TAF1B: variants seen among roughly 807,000 people sequenced by gnomAD.
TAF1B encodes the protein TATA-box binding protein associated factor, RNA polymerase I subunit B, also known as TATA box-binding protein-associated factor RNA polymerase I subunit B.
In TAF1B, 61 loss-of-function variants were observed where a neutral mutation model predicts 83.9. That is an observed-to-expected ratio of 0.73 (90% CI 0.59 to 0.90). TAF1B has a LOEUF of 0.90. Ranked by LOEUF, TAF1B falls within the 40% of genes least tolerant of loss-of-function variation. The pLI is 0.00. For missense variants in TAF1B, 625 were observed against 677.0 expected (o/e 0.92, Z 0.85); for synonymous variants, 221 against 224.6 (o/e 0.98, Z 0.14).
chr2:9,929,918 G>A (rs1405176067), intron 14 of TAF1B, among the ~76,000 whole-genome samples: 1 of 152,172 alleles, frequency 6.6e-6, no homozygotes, highest in Non-Finnish European at 1.5e-5. Context: ...TCTTGGAAAG[G>A]TGTACATGTC....
intron 8 of TAF1B, among the ~76,000 whole-genome samples, chr2:9,890,884 C>T (rs1179246578): frequency 1.3e-5 from 2 of 152,290 alleles, no homozygotes; most frequent in South Asian, 4.1e-4. Context: ...GATTCTCCTG[C>T]CTCAGCCTCC....
In TAF1B at chr2:9,898,439, A is replaced by G. The variant is rs577564729; in HGVS notation, c.808-6420A>G. On this transcript the variant is annotated intron_variant, in intron 8 of 14. Coordinates refer to ENST00000263663, the MANE Select transcript of TAF1B (RefSeq NM_005680.3). Reference sequence around the variant, plus strand: ...TTGAGGTAGAATTAGCAGATAACCAAAGGGTCAGTATAAAACAAAATGCTG... The same window carrying G: ...TTGAGGTAGAATTAGCAGATAACCAGAGGGTCAGTATAAAACAAAATGCTG... Among the ~76,000 whole-genome samples, 14 of 152,310 alleles carry G rather than the reference A, an allele frequency of 9.2e-5. 2 individuals carry two copies. The South Asian group carries it at 2.9e-3, about 32-fold the overall frequency.
intron 8 of TAF1B, among the ~76,000 whole-genome samples, chr2:9,899,147 A>G (rs1222345277): frequency 6.6e-6 from 1 of 152,136 alleles, no homozygotes; most frequent in Non-Finnish European, 1.5e-5. Context: ...CATACCCATT[A>G]AACACCAACT....
In TAF1B at chr2:9,845,237, C is replaced by T. The variant is rs766127604; in HGVS notation, c.36C>T (p.Arg12=). 4 of 1,613,800 alleles carry T rather than the reference C, an allele frequency of 2.5e-6. No homozygotes were observed. In the Admixed American group the frequency reaches 5.0e-5, roughly 20 times the overall value. Residue 12 remains arginine (R), a synonymous_variant, in exon 2 of 15, where the codon CGC becomes CGT. Transcript: ENST00000263663. ...DLEEAEEFKE[R]CTQCAAVSWG... Reference sequence around the variant, plus strand: ...TCCCATAGGAAGAGTTTAAAGAACGCTGTACTCAGTGTGCTGCTGTCTCAT... The same window carrying T: ...TCCCATAGGAAGAGTTTAAAGAACGTTGTACTCAGTGTGCTGCTGTCTCAT...
rs1666088855 is a variant in TAF1B at position 9,927,817 on chromosome 2, T to G, written c.1566-5966T>G. 6.6e-5 allele frequency among the ~76,000 whole-genome samples: 10 copies of G among 152,248 alleles called. 1 individual carries two copies. The South Asian group carries it at 2.1e-3, about 31-fold the overall frequency. ...AAAAATTTTCTCCCATTCTGTAAGT[T>G]GTTCACTCTGATGGTAGTTTCTTTT... On this transcript the variant is annotated intron_variant, in intron 14 of 14. Coordinates refer to ENST00000263663, the MANE Select transcript of TAF1B (RefSeq NM_005680.3).
intron 8 of TAF1B, among the ~76,000 whole-genome samples, chr2:9,890,108 T>C (rs946202840): frequency 6.6e-6 from 1 of 152,190 alleles, no homozygotes; most frequent in African/African-American, 2.4e-5. Context: ...CTCCAGTCCC[T>C]GTCTCCTCTG....
intron 8 of TAF1B, among the ~76,000 whole-genome samples, chr2:9,896,564 T>C (rs1013437485): frequency 2.8e-4 from 42 of 149,354 alleles, no homozygotes; most frequent in African/African-American, 1.0e-3. Context: ...TTTCCTTCTG[T>C]GTTTGGTTTT....
Position 9,851,559 on chromosome 2 carries a change from ATG to A in TAF1B, c.231_232del (p.Cys77Ter), listed in dbSNP as rs778382213. ...CATTTAGAAAAAGGCTGGGATTGGT[ATG>A]TGTGTGAAGGTTTCCAGTATATTCT... On this transcript the variant is annotated frameshift_variant, in exon 4 of 15. Transcript: ENST00000263663. LOFTEE classifies it high-confidence loss of function. 2.5e-6 allele frequency: 4 copies of A among 1,608,496 alleles called. No individual in the cohort carries two copies. The South Asian group carries it at 3.4e-5, about 14-fold the overall frequency.
chr2:9,903,154 C>T (rs1402907775), intron 8 of TAF1B, among the ~76,000 whole-genome samples: 1 of 152,142 alleles, frequency 6.6e-6, no homozygotes, highest in African/African-American at 2.4e-5. Flanking sequence ...GGCGCAGTCT[C>T]GGCTCACTGT....
chr2:9,850,025 ATATGTG>A (rs141832486), intron 3 of TAF1B, among the ~76,000 whole-genome samples: 80 of 118,998 alleles, frequency 6.7e-4, no homozygotes, highest in Non-Finnish European at 1.2e-3. Context: ...ATATATATAT[ATATGTG>A]TGTGTGTGTG....
At position 9,933,765 on chromosome 2, in the gene TAF1B, T is replaced by C. The variant is rs1666290371; in HGVS notation, c.1566-18T>C. 1 of 1,591,548 alleles carries C rather than the reference T, an allele frequency of 6.3e-7. No homozygotes were observed. Among genetic ancestry groups the C allele is most frequent in the Non-Finnish European group, 8.6e-7 (1 of 1,168,944 alleles). On this transcript the variant is annotated intron_variant, in intron 14 of 14. Coordinates refer to ENST00000263663, the MANE Select transcript of TAF1B (RefSeq NM_005680.3). The stretch of plus-strand genomic sequence containing the variant: ...GTTACCATCTAAAGATAAATTCTTT[T>C]TTCTTTTTCCCTTCTAGCTATTGTA...
intron 9 of TAF1B, 86 bp downstream of exon 9, chr2:9,905,092 A>G (rs1324630630): frequency 2.4e-6 from 3 of 1,227,876 alleles, no homozygotes; most frequent in Admixed American, 4.6e-5. Context: ...ATCACAGACT[A>G]TTAGAACCAC....
At chr2:9,871,953 C>A (rs553603093) in intron 6 of TAF1B, among the ~76,000 whole-genome samples, 1 of 152,124 alleles carries the variant, frequency 6.6e-6, no homozygotes, top group Non-Finnish European at 1.5e-5. Flanking sequence ...TCTAGAGACC[C>A]TTCTCTCTGG....
chr2:9,853,468 C>CTT (rs1244360121), intron 4 of TAF1B, among the ~76,000 whole-genome samples: 1 of 146,666 alleles, frequency 6.8e-6, no homozygotes. Context: ...TTTCTGTTTG[C>CTT]TTTTTTTTTT....
rs140186926 is a variant in TAF1B, at chr2:9,856,673, T to C, written c.399+2252T>C. ...ATCAGAACCTGGGATTCTCTGACAT[T>C]TAAATATTTTTGGGTTAACTTAAGT... is the stretch of plus-strand genomic sequence containing the variant. On this transcript the variant is annotated intron_variant, in intron 5 of 14. Coordinates refer to ENST00000263663, the MANE Select transcript of TAF1B (RefSeq NM_005680.3). Among the ~76,000 whole-genome samples the C allele has an allele frequency of 1.5e-4, 23 of 152,318 alleles. No individual in the cohort carries two copies. The East Asian group carries it at 3.9e-3, about 26-fold the overall frequency.
intron 7 of TAF1B, among the ~76,000 whole-genome samples, chr2:9,877,301 C>T (rs571099314): frequency 5.9e-5 from 9 of 152,306 alleles, no homozygotes; most frequent in Non-Finnish European, 1.2e-4. Context: ...ATCTCAGAAT[C>T]AGCATGACTA....
intron 7 of TAF1B, among the ~76,000 whole-genome samples, chr2:9,878,967 G>T (rs984534494): frequency 3.9e-5 from 6 of 152,166 alleles, no homozygotes; most frequent in African/African-American, 1.4e-4. Flanking sequence ...ATTCGGGAAG[G>T]CCTCACCAAG....
chr2:9,925,391 G>A (rs1219888241), intron 14 of TAF1B, among the ~76,000 whole-genome samples: 1 of 151,956 alleles, frequency 6.6e-6, no homozygotes, highest in South Asian at 2.1e-4. Flanking sequence ...AGTGAGCCAA[G>A]ATTGTGCCAC....
At chr2:9,882,940 G>A (rs760410596) in intron 8 of TAF1B, 135 bp downstream of exon 8, 3 of 568,994 alleles carry the variant, frequency 5.3e-6, no homozygotes, top group East Asian at 3.1e-5. Flanking sequence ...ATAATTTAAC[G>A]AAGAGTAGAA....
Sources: allele counts gnomAD v4.1 joint callset (sites outside exome capture counted in the v4.1 genomes callset), GRCh38; gene constraint gnomAD v4.1.1; transcripts MANE v1.5; gene names NCBI Gene and HGNC (gene_info 2026-07-23, HGNC 2026-07-21).